Variants in FAM135B observed in about 807,000 individuals in gnomAD.
The protein encoded by FAM135B is family with sequence similarity 135 member B.
A neutral mutation model predicts 127.7 loss-of-function variants in FAM135B; 43 were observed. That is an observed-to-expected ratio of 0.34 (90% CI 0.26 to 0.43). FAM135B has a LOEUF of 0.43. FAM135B is among the 20% of genes least tolerant of loss of function. FAM135B has a pLI of 1.00. For missense variants in FAM135B, 1,558 were observed against 1,725.6 expected (o/e 0.90, Z 1.72); for synonymous variants, 670 against 665.1 (o/e 1.01, Z -0.11).
At chr8:138,451,323 G>C (rs1432393173) in intron 1 of FAM135B, among the ~76,000 whole-genome samples, 1 of 152,188 alleles carries the variant, frequency 6.6e-6, no homozygotes, top group African/African-American at 2.4e-5. Flanking sequence ...CACACTTCTT[G>C]TTGCATATGC....
intron 1 of FAM135B, among the ~76,000 whole-genome samples, chr8:138,411,122 A>G (rs549422758): frequency 1.4e-5 from 2 of 147,798 alleles, no homozygotes; most frequent in Non-Finnish European, 3.0e-5. Context: ...CTTTCTTCAC[A>G]GAATTGGAAA....
At chr8:138,369,208 A>T (rs1355713266) in intron 1 of FAM135B, among the ~76,000 whole-genome samples, 1 of 152,136 alleles carries the variant, frequency 6.6e-6, no homozygotes, top group East Asian at 1.9e-4. Flanking sequence ...ACCTGGTATG[A>T]CCTCTGGGAA....
At chr8:138,161,873 G>A (rs1212339138) in intron 12 of FAM135B, among the ~76,000 whole-genome samples, 1 of 152,182 alleles carries the variant, frequency 6.6e-6, no homozygotes, top group Non-Finnish European at 1.5e-5. Flanking sequence ...ATCTGTTTGT[G>A]CATCTGTTGT....
chr8:138,437,466 C>T (rs1341721188), intron 1 of FAM135B: 3 of 152,194 alleles, frequency 2.0e-5, no homozygotes, highest in Non-Finnish European at 4.4e-5. Context: ...GATACCTCTC[C>T]TTCCTGCCGC....
chr8:138,198,741 C>T (rs990146009), intron 7 of FAM135B, among the ~76,000 whole-genome samples: 1 of 152,160 alleles, frequency 6.6e-6, no homozygotes, highest in African/African-American at 2.4e-5. Context: ...CACTTGGAGA[C>T]CTAGGCATGA....
At chr8:138,428,449 G>A (rs1000661727) in intron 1 of FAM135B, among the ~76,000 whole-genome samples, 2 of 152,048 alleles carry the variant, frequency 1.3e-5, no homozygotes, top group South Asian at 2.1e-4. Context: ...TACAGCTGGG[G>A]TACTAAGGCA....
At chr8:138,229,689 G>C (rs916975233) in intron 7 of FAM135B, among the ~76,000 whole-genome samples, 5 of 152,106 alleles carry the variant, frequency 3.3e-5, no homozygotes, top group Non-Finnish European at 7.4e-5. Context: ...AGAACTGCCC[G>C]AGACTGGGTA....
intron 19 of FAM135B, among the ~76,000 whole-genome samples, chr8:138,136,477 A>C (rs1389002296): frequency 6.6e-6 from 1 of 152,220 alleles, no homozygotes; most frequent in Admixed American, 6.5e-5. Context: ...ATGGTTATGT[A>C]AGATGCTAAT....
chr8:138,329,330 C>T (rs1172332066), intron 2 of FAM135B, among the ~76,000 whole-genome samples: 1 of 152,198 alleles, frequency 6.6e-6, no homozygotes, highest in African/African-American at 2.4e-5. Context: ...AATAAACCAT[C>T]ATAACCCTGA....
intron 12 of FAM135B, among the ~76,000 whole-genome samples, chr8:138,154,614 T>C (rs1211355709): frequency 1.3e-5 from 2 of 151,984 alleles, no homozygotes; most frequent in African/African-American, 2.4e-5. Flanking sequence ...CTGAAGGAGC[T>C]GAAAACCATG....
chr8:138,311,963 T>C (rs1314806724), intron 2 of FAM135B, among the ~76,000 whole-genome samples: 1 of 152,148 alleles, frequency 6.6e-6, no homozygotes, highest in East Asian at 1.9e-4. Context: ...TATATATATA[T>C]TGAGATGGCA....
intron 2 of FAM135B, among the ~76,000 whole-genome samples, chr8:138,347,423 T>C (rs190747958): frequency 1.1e-4 from 17 of 152,262 alleles, no homozygotes; most frequent in African/African-American, 3.9e-4. Context: ...AACCCTGGCA[T>C]CATAGCCTAT....
At chr8:138,297,331 G>C (rs776726158) in intron 3 of FAM135B, among the ~76,000 whole-genome samples, 8 of 152,176 alleles carry the variant, frequency 5.3e-5, no homozygotes, top group Non-Finnish European at 1.2e-4. Flanking sequence ...ACGAGACAGG[G>C]TCTACTCCTG....
At chr8:138,271,988 G>C (rs1047213055) in intron 3 of FAM135B, among the ~76,000 whole-genome samples, 2 of 151,276 alleles carry the variant, frequency 1.3e-5, no homozygotes, top group Non-Finnish European at 2.9e-5. Flanking sequence ...ATGGTACAAT[G>C]ATGACTCCAA....
chr8:138,423,395 C>G (rs2131466263), intron 1 of FAM135B, among the ~76,000 whole-genome samples: 1 of 152,250 alleles, frequency 6.6e-6, no homozygotes, highest in Non-Finnish European at 1.5e-5. Flanking sequence ...CCCTAAGCAT[C>G]AGCCAGGTTG....
At chr8:138,184,525 T>C (rs1350930970) in intron 9 of FAM135B, among the ~76,000 whole-genome samples, 1 of 152,148 alleles carries the variant, frequency 6.6e-6, no homozygotes, top group Non-Finnish European at 1.5e-5. Context: ...TGACATGTGG[T>C]GAGGTCTCAC....
intron 1 of FAM135B, among the ~76,000 whole-genome samples, chr8:138,453,008 T>G (rs1251444151): frequency 6.6e-6 from 1 of 152,124 alleles, no homozygotes; most frequent in Non-Finnish European, 1.5e-5. Context: ...TCCTATGACT[T>G]ATGTGGGTTA....
At chr8:138,173,547 G>A (rs1380999832) in intron 11 of FAM135B, among the ~76,000 whole-genome samples, 2 of 152,128 alleles carry the variant, frequency 1.3e-5, no homozygotes, top group Non-Finnish European at 2.9e-5. Context: ...ACCTCATAGA[G>A]TTCATGTGAA....
In FAM135B at chr8:138,137,153, G is replaced by A. The variant is rs2130538304; in HGVS notation, c.4009C>T (p.His1337Tyr). Reference protein sequence around the residue: ...EMCKTALKDRHTGPVYAEMIN... With the variant: ...EMCKTALKDRYTGPVYAEMIN... ...AAAATTAAATGTAGCTTACCTGTGT[G>A]TCTGTCTTTGAGGGCAGTTTTACAC... The change falls in exon 19 of 20, where the codon CAC (histidine) becomes TAC (tyrosine). Residue 1337 changes from histidine (H) to tyrosine (Y), a missense_variant. By Grantham distance (83) the His-to-Tyr change is moderately conservative (BLOSUM62 2). Around this residue, in one of 5 missense-constraint regions of FAM135B, gnomAD observed 194 missense variants for 333.8 expected, o/e 0.58. Transcript: ENST00000395297. The A allele has an allele frequency of 6.6e-7, 1 of 1,509,540 alleles. No individual in the cohort carries two copies. Among genetic ancestry groups the A allele is most frequent in the East Asian group, 2.2e-5 (1 of 44,456 alleles). The allele number at this position is 1,509,540 out of a possible 1,614,324, so 93.5% of individuals were successfully genotyped here. A position where few individuals can be genotyped will look rare whatever the true frequency, so the allele number is the denominator to read the frequency against.
Sources: gnomAD v4.1 joint callset for allele counts (sites outside exome capture counted in the v4.1 genomes callset) on GRCh38, gnomAD v4.1.1 for gene constraint, gnomAD v4.1.1 regional missense constraint, MANE v1.5 for transcripts, NCBI Gene and HGNC (gene_info 2026-07-23, HGNC 2026-07-21) for gene names.